The following SCAI variants were observed in gnomAD, a reference collection of about 807,000 sequenced individuals.
SCAI encodes suppressor of cancer cell invasion.
In SCAI, 24 loss-of-function variants were observed where a neutral mutation model predicts 92.2. That is an observed-to-expected ratio of 0.26 (90% CI 0.19 to 0.37). SCAI has a LOEUF of 0.37. Ranked by LOEUF, SCAI falls within the 10% of genes least tolerant of loss-of-function variation. SCAI has a pLI of 1.00. For missense variants in SCAI, 450 were observed against 736.2 expected (o/e 0.61, Z 4.50); for synonymous variants, 261 against 258.6 (o/e 1.01, Z -0.09).
Position 125,028,684 on chromosome 9 carries a change from TGGCCAA to T in SCAI, c.327-212_327-207del, listed in dbSNP as rs1833011505. Among the ~76,000 whole-genome samples the T allele has an allele frequency of 3.3e-5, 5 of 152,234 alleles. 1 individual carries two copies. Among genetic ancestry groups the T allele is most frequent in the East Asian group, 3.9e-4 (2 of 5,178 alleles). On this transcript the variant is annotated intron_variant, in intron 4 of 17. Coordinates refer to ENST00000336505, the MANE Select transcript of SCAI (RefSeq NM_001144877.3). ...GTTGAAATATAAAAAGAAACTACTT[TGGCCAA>T]TAAACATATATTTTAGAATGAAACC...
intron 3 of SCAI, among the ~76,000 whole-genome samples, chr9:125,039,748 A>C (rs1374143893): frequency 6.6e-6 from 1 of 152,200 alleles, no homozygotes; most frequent in Non-Finnish European, 1.5e-5. Flanking sequence ...AAGACTTGCA[A>C]TAGAGAAGAC....
intron 9 of SCAI, among the ~76,000 whole-genome samples, chr9:125,016,956 C>A (rs768793030): frequency 6.6e-6 from 1 of 152,018 alleles, no homozygotes; most frequent in Non-Finnish European, 1.5e-5. Flanking sequence ...AATATTTTAA[C>A]AGATGTTTAA....
intron 17 of SCAI, among the ~76,000 whole-genome samples, chr9:124,961,105 C>G (rs898616747): frequency 6.9e-6 from 1 of 145,650 alleles, no homozygotes; most frequent in Non-Finnish European, 1.5e-5. Context: ...AACTGCATGA[C>G]AGACAGAGAC....
chr9:125,019,399 C>A (rs538854367), intron 7 of SCAI, among the ~76,000 whole-genome samples, 194 bp from the exon 8 acceptor site: 1 of 152,088 alleles, frequency 6.6e-6, no homozygotes, highest in South Asian at 2.1e-4. Flanking sequence ...CAGAATAACA[C>A]CCATCAAATA....
At chr9:125,066,073 G>GA in intron 2 of SCAI, 4 of 716,326 alleles carry the variant, frequency 5.6e-6, no homozygotes, top group Admixed American at 2.3e-5. Flanking sequence ...ATTGAATAAA[G>GA]AAAAAAAGAA....
At chr9:125,125,909 T>TACACACACACACACACACAC (rs10554292) in intron 2 of SCAI, among the ~76,000 whole-genome samples, 1 of 137,910 alleles carries the variant, frequency 7.3e-6, no homozygotes, top group Non-Finnish European at 1.6e-5. Context: ...TGCGTACACG[T>TACACACACACACACACACAC]ACACACACAC....
intron 17 of SCAI, among the ~76,000 whole-genome samples, chr9:124,961,077 T>C (rs940206473): frequency 5.3e-5 from 8 of 151,004 alleles, no homozygotes; most frequent in Non-Finnish European, 7.4e-5. Context: ...TAAGCTACAA[T>C]TGCATCCCTG....
chr9:125,099,758 C>T (rs1437175059), intron 2 of SCAI, among the ~76,000 whole-genome samples: 1 of 152,126 alleles, frequency 6.6e-6, no homozygotes, highest in Non-Finnish European at 1.5e-5. Context: ...AATTTGACTA[C>T]TCTAAGTACT....
intron 14 of SCAI, among the ~76,000 whole-genome samples, chr9:124,985,122 G>A (rs113197037): frequency 2.2e-4 from 33 of 152,190 alleles, no homozygotes; most frequent in African/African-American, 7.2e-4. Flanking sequence ...CCTTTAAATT[G>A]GAATCCTAAA....
At chr9:125,072,436 T>C (rs1833996588) in intron 2 of SCAI, among the ~76,000 whole-genome samples, 1 of 152,192 alleles carries the variant, frequency 6.6e-6, no homozygotes, top group South Asian at 2.1e-4. Context: ...TTTAATAAAC[T>C]GAGTATAAAT....
At chr9:125,032,195 A>ATATATATATATTT (rs1177865840) in intron 3 of SCAI, among the ~76,000 whole-genome samples, 5 of 99,444 alleles carry the variant, frequency 5.0e-5, no homozygotes, top group South Asian at 3.3e-4. Context: ...ATATATATAT[A>ATATATATATATTT]TTTTTTTTTT....
chr9:125,066,992 A>G (rs1400887512), intron 2 of SCAI, among the ~76,000 whole-genome samples: 1 of 152,176 alleles, frequency 6.6e-6, no homozygotes, highest in East Asian at 1.9e-4. Context: ...TTGTGTAAGT[A>G]CACTCTATGA....
chr9:125,052,038 C>G (rs1002312729), intron 3 of SCAI, among the ~76,000 whole-genome samples: 4 of 152,154 alleles, frequency 2.6e-5, no homozygotes, highest in Admixed American at 2.6e-4. Flanking sequence ...CAAAGCAAGG[C>G]TCCATCTCAA....
chr9:125,099,712 T>C (rs1834639628), intron 2 of SCAI, among the ~76,000 whole-genome samples: 1 of 152,234 alleles, frequency 6.6e-6, no homozygotes, highest in African/African-American at 2.4e-5. Context: ...ATCATGTGTC[T>C]GTCAGTAACA....
chr9:124,989,599 A>G (rs1832074321), intron 14 of SCAI, among the ~76,000 whole-genome samples: 1 of 151,986 alleles, frequency 6.6e-6, no homozygotes. Context: ...TAAAAATAAA[A>G]AAGTCCAGGC....
intron 15 of SCAI, among the ~76,000 whole-genome samples, chr9:124,973,406 CTATGT>C (rs1475934535): frequency 5.9e-5 from 9 of 152,220 alleles, no homozygotes; most frequent in Non-Finnish European, 1.5e-5. Context: ...ACTAATTTCT[CTATGT>C]GCTTGGCCAG....
Position 125,066,456 on chromosome 9 carries a change from A to ATTTTT in SCAI, c.99-10450_99-10449insAAAAA, listed in dbSNP as rs1183338955. Among the ~76,000 whole-genome samples the ATTTTT allele has an allele frequency of 4.7e-4, 57 of 121,536 alleles. 1 individual carries two copies. The highest frequency in any genetic ancestry group is 1.6e-3 in the African/African-American group (52 of 32,930). 79.7% of individuals were successfully genotyped at this position (121,536 alleles called of 152,430 possible). On this transcript the variant is annotated intron_variant, in intron 2 of 17. Transcript: ENST00000336505. Reference sequence around the variant, plus strand: ...TTTTTTATTTTATTTTATTTTATTTATTTATTTATTTTTTTTTGAGACGGA... The same window carrying ATTTTT: ...TTTTTTATTTTATTTTATTTTATTTATTTTTTTTATTTATTTTTTTTTGAGACGGA...
At chr9:125,062,656 G>A (rs1187678622) in intron 2 of SCAI, among the ~76,000 whole-genome samples, 1 of 151,846 alleles carries the variant, frequency 6.6e-6, no homozygotes, top group Non-Finnish European at 1.5e-5. Flanking sequence ...TCAGGAGGCT[G>A]AGGCAGGAGA....
In SCAI at chr9:125,091,869, C is replaced by T. The variant is rs1037508266; in HGVS notation, c.99-35862G>A. 5.3e-5 allele frequency among the ~76,000 whole-genome samples: 8 copies of T among 152,026 alleles called. No individual in the cohort carries two copies. The East Asian group carries it at 9.7e-4, about 18-fold the overall frequency. ...GCTCACGCCTGTAATCCCAGCACTG[C>T]GGGAGGCCGAGGCGAGCAGATCACG... On this transcript the variant is annotated intron_variant, in intron 2 of 17. Transcript: ENST00000336505. This position sits in a 1 kb window ranked among gnomAD's most constrained non-coding sequence, Gnocchi z 4.3.
Sources: allele counts gnomAD v4.1 joint callset (sites outside exome capture counted in the v4.1 genomes callset), GRCh38; gene constraint gnomAD v4.1.1; non-coding constraint Gnocchi (gnomAD v3.1); transcripts MANE v1.5; gene names NCBI Gene and HGNC (gene_info 2026-07-23, HGNC 2026-07-21).